RIPOR2: variants seen among roughly 807,000 people sequenced by gnomAD.
RIPOR2 encodes the protein rho family-interacting cell polarization regulator 2.
In RIPOR2, 39 loss-of-function variants were observed where a neutral mutation model predicts 114.5. That is an observed-to-expected ratio of 0.34 (90% confidence interval 0.26 to 0.44). The LOEUF (loss-of-function observed/expected upper bound fraction) is 0.44, where lower values mean the gene tolerates loss of function less well. RIPOR2 is among the 20% of genes least tolerant of loss of function. RIPOR2 has a pLI of 1.00. For missense variants in RIPOR2, 1,007 were observed against 1,255.1 expected, an observed-to-expected ratio of 0.80 and a Z score of 2.99; for synonymous variants, 445 against 484.4, an observed-to-expected ratio of 0.92 and a Z score of 1.07.
At chr6:24,823,649 T>A (rs1007113469) in intron 19 of RIPOR2, among the ~76,000 whole-genome samples, 6 of 152,240 alleles carry the variant, frequency 3.9e-5, no homozygotes. Context: ...ACATGAGAGC[T>A]GAATTGGAAT....
chr6:25,000,087 TC>T (rs1775233024), intron 1 of RIPOR2, among the ~76,000 whole-genome samples: 1 of 152,176 alleles, frequency 6.6e-6, no homozygotes, highest in Non-Finnish European at 1.5e-5. Context: ...CATTTGCATA[TC>T]CCCAATACCA....
rs1774748838 is a variant in RIPOR2, at chr6:24,990,305, AT to A, written c.76+51545del. 2.0e-5 allele frequency among the ~76,000 whole-genome samples: 3 copies of A among 152,384 alleles called. No homozygotes were observed. In the South Asian group the frequency reaches 6.2e-4, roughly 32 times the overall value. ...ACCAAATCAACTTTAATAGGTGGAT[AT>A]TTGCAAAAACATCATTGATAGTGCT... is the stretch of plus-strand genomic sequence containing the variant. On this transcript the variant is annotated intron_variant, in intron 1 of 13. Coordinates refer to the RIPOR2 transcript ENST00000510784.
At chr6:24,832,946 C>T (rs919010092) in intron 15 of RIPOR2, among the ~76,000 whole-genome samples, 3 of 152,110 alleles carry the variant, frequency 2.0e-5, no homozygotes, top group Admixed American at 6.5e-5. Flanking sequence ...CAAAACAACC[C>T]AATGAGGCGG....
At chr6:24,864,540 C>A (rs973799892) in intron 7 of RIPOR2, among the ~76,000 whole-genome samples, 5 of 152,158 alleles carry the variant, frequency 3.3e-5, no homozygotes, top group African/African-American at 1.2e-4. Flanking sequence ...AGACCCTCTA[C>A]AGGCTGATGA....
chr6:24,826,494 ATT>A (rs10624769), intron 18 of RIPOR2, among the ~76,000 whole-genome samples: 2 of 148,186 alleles, frequency 1.3e-5, no homozygotes, highest in African/African-American at 4.9e-5. Context: ...ATTTATTTAG[ATT>A]TTTTTTTTTT....
At chr6:24,876,007 A>G (rs1251410606) in intron 1 of RIPOR2, among the ~76,000 whole-genome samples, 190 bp from the exon 2 acceptor site, 1 of 152,130 alleles carries the variant, frequency 6.6e-6, no homozygotes, top group Non-Finnish European at 1.5e-5. Context: ...ATACCCATCT[A>G]TGGCCAGGTG....
chr6:24,840,546 G>GT (rs1761606719), intron 13 of RIPOR2: 2 of 1,443,122 alleles, frequency 1.4e-6, no homozygotes, highest in Admixed American at 5.2e-5. Flanking sequence ...AATTCTGCAA[G>GT]TTAGAAGCAC....
intron 1 of RIPOR2, among the ~76,000 whole-genome samples, chr6:24,928,454 T>C (rs913824397): frequency 6.6e-6 from 1 of 152,166 alleles, no homozygotes. Flanking sequence ...TTATAGAGAA[T>C]AAAAAAATTA....
chr6:24,997,181 T>G (rs1315966154), intron 1 of RIPOR2, among the ~76,000 whole-genome samples: 1 of 152,224 alleles, frequency 6.6e-6, no homozygotes, highest in Admixed American at 6.5e-5. Context: ...TCTCTGTTGG[T>G]GGGATGCAGG....
chr6:25,028,050 C>T (rs534773130), intron 1 of RIPOR2, among the ~76,000 whole-genome samples: 27 of 152,316 alleles, frequency 1.8e-4, no homozygotes, highest in African/African-American at 5.5e-4. Flanking sequence ...CTACCACCCT[C>T]GTCCTGCATA....
At chr6:24,907,137 A>C (rs1032069266) in intron 1 of RIPOR2, among the ~76,000 whole-genome samples, 9 of 152,330 alleles carry the variant, frequency 5.9e-5, no homozygotes, top group African/African-American at 2.2e-4. Flanking sequence ...GGTGTACAAA[A>C]TAACTTCCTC....
chr6:24,944,819 A>G (rs983233261), intron 1 of RIPOR2, among the ~76,000 whole-genome samples: 6 of 152,208 alleles, frequency 3.9e-5, no homozygotes, highest in African/African-American at 1.4e-4. Flanking sequence ...TGCCATATAC[A>G]ATGGATCTTC....
intron 19 of RIPOR2, among the ~76,000 whole-genome samples, chr6:24,818,854 C>T (rs1759414999): frequency 6.6e-6 from 1 of 151,036 alleles, no homozygotes; most frequent in South Asian, 2.1e-4. Flanking sequence ...TCTAGGAGAA[C>T]ATAAGGGATC....
intron 15 of RIPOR2, 110 bp from the exon 16 acceptor site, chr6:24,832,501 G>C (rs531008318): frequency 1.9e-5 from 18 of 934,712 alleles, no homozygotes; most frequent in African/African-American, 3.3e-5. Flanking sequence ...AAACTCATGC[G>C]ATGTTTTTCT....
At chr6:24,969,705 C>G (rs1393557311) in intron 1 of RIPOR2, among the ~76,000 whole-genome samples, 2 of 152,102 alleles carry the variant, frequency 1.3e-5, no homozygotes, top group Non-Finnish European at 2.9e-5. Context: ...AACTTCACTT[C>G]CCTCCACTCT....
At chr6:25,024,483 A>T in intron 1 of RIPOR2, 1 of 845,444 alleles carries the variant, frequency 1.2e-6, no homozygotes. Flanking sequence ...TTTGCTGGAC[A>T]TAGTGTCTGG....
rs1761883290 is a variant in RIPOR2 at position 24,843,064 on chromosome 6, G to T, written c.1655C>A (p.Ser552Tyr). The change falls in exon 13 of 22, where the codon TCT becomes TAT. Residue 552 changes from serine to tyrosine, a missense_variant. Transcript: ENST00000643898. ...GTCTGTGGCCATTGGCACCTCTGCA[G>T]ATGTGAGCCTCTTGACCAGCTGCTT... ...ITKQLVKRLT[S>Y]AEVPMATDRL... 6.2e-7 allele frequency: 1 copy of T among 1,613,828 alleles called. No homozygotes were observed. The highest frequency in any genetic ancestry group is 1.7e-5 in the Admixed American group (1 of 59,998).
At chr6:24,898,078 C>T (rs111312630) in intron 1 of RIPOR2, among the ~76,000 whole-genome samples, 1 of 151,386 alleles carries the variant, frequency 6.6e-6, no homozygotes, top group African/African-American at 2.4e-5. Flanking sequence ...AGGAAGGAAG[C>T]AAGGAAGGAA....
chr6:24,947,078 T>G (rs1772457300), intron 1 of RIPOR2, among the ~76,000 whole-genome samples: 1 of 117,684 alleles, frequency 8.5e-6, no homozygotes, highest in Non-Finnish European at 2.0e-5. Context: ...CAGAATATTC[T>G]TCTTTTGGAA....
Sources: gnomAD v4.1 joint callset for allele counts (sites outside exome capture counted in the v4.1 genomes callset) on GRCh38, gnomAD v4.1.1 for gene constraint, MANE v1.5 for transcripts, NCBI Gene and HGNC (gene_info 2026-07-23, HGNC 2026-07-21) for gene names.